XKR6: variants seen among roughly 807,000 people sequenced by gnomAD.
The protein encoded by XKR6 is XK-related protein 6.
Under a neutral mutation model 56.7 loss-of-function variants are expected in XKR6, and 22 were observed. The ratio of observed to expected loss-of-function variants is 0.39; its 90% CI spans 0.28 to 0.55. XKR6 has a LOEUF of 0.55. Ranked by LOEUF, XKR6 falls within the 20% of genes least tolerant of loss-of-function variation. XKR6 has a pLI of 0.66. For synonymous variants in XKR6, 524 were observed against 387.8 expected (o/e 1.35, Z -4.13); for missense variants, 852 against 889.0 (o/e 0.96, Z 0.53).
At chr8:11,120,877 A>C (rs1221437072) in intron 1 of XKR6, among the ~76,000 whole-genome samples, 1 of 152,208 alleles carries the variant, frequency 6.6e-6, no homozygotes, top group Non-Finnish European at 1.5e-5. Flanking sequence ...CTCAGAAATA[A>C]TGCCGCATAT....
intron 1 of XKR6, among the ~76,000 whole-genome samples, chr8:11,167,377 C>G (rs753195914): frequency 6.6e-6 from 1 of 152,112 alleles, no homozygotes; most frequent in Non-Finnish European, 1.5e-5. Context: ...ACAAGTAGAA[C>G]GCATTCATAA....
At chr8:11,058,643 C>A (rs1799747499) in intron 1 of XKR6, among the ~76,000 whole-genome samples, 1 of 152,128 alleles carries the variant, frequency 6.6e-6, no homozygotes, top group South Asian at 2.1e-4. Context: ...ACAATGAGAA[C>A]AGATGGACAC....
At chr8:11,144,709 T>C (rs771437245) in intron 1 of XKR6, among the ~76,000 whole-genome samples, 1 of 152,088 alleles carries the variant, frequency 6.6e-6, no homozygotes, top group Non-Finnish European at 1.5e-5. Context: ...CCAAGCTCCT[T>C]CCTTCTTTCC....
intron 1 of XKR6, among the ~76,000 whole-genome samples, chr8:11,095,569 C>G (rs181793034): frequency 2.4e-3 from 370 of 152,298 alleles, no homozygotes; most frequent in African/African-American, 8.7e-3. Flanking sequence ...GAATGACAGC[C>G]TGATTCTCCT....
At chr8:10,903,232 T>C (rs947414909) in intron 2 of XKR6, among the ~76,000 whole-genome samples, 1 of 152,180 alleles carries the variant, frequency 6.6e-6, no homozygotes, top group African/African-American at 2.4e-5. Context: ...CACTTCTGCA[T>C]CTTTTCCCTG....
At position 11,029,484 on chromosome 8, in the gene XKR6, G is replaced by A. The variant is rs115522629; in HGVS notation, c.765-104654C>T. Among the ~76,000 whole-genome samples, 453 of 152,290 alleles carry A rather than the reference G, an allele frequency of 3.0e-3. 1 individual carries two copies. The highest frequency in any genetic ancestry group is 0.01 in the African/African-American group (433 of 41,554). On this transcript the variant is annotated intron_variant, in intron 1 of 2. Transcript: ENST00000416569. ...GATGGGATTTCTGTCCTTATAAACAGAAGTGCATGAACCAATGAAGGACAT... is the reference window on the plus strand; with the variant it reads ...GATGGGATTTCTGTCCTTATAAACAAAAGTGCATGAACCAATGAAGGACAT...
At chr8:11,178,547 AATATATATATAT>A (rs373879147) in intron 1 of XKR6, among the ~76,000 whole-genome samples, 1 of 88,508 alleles carries the variant, frequency 1.1e-5, no homozygotes, top group Admixed American at 1.1e-4. Flanking sequence ...GAGAGGTAAA[AATATATATATAT>A]ATATATATAT....
chr8:11,000,947 G>C (rs1042722343), intron 1 of XKR6, among the ~76,000 whole-genome samples: 1 of 152,120 alleles, frequency 6.6e-6, no homozygotes, highest in Non-Finnish European at 1.5e-5. Context: ...CCTTGGCTCA[G>C]CCTTTGCTTT....
chr8:11,176,536 A>T (rs1167301852), intron 1 of XKR6, among the ~76,000 whole-genome samples: 2 of 152,168 alleles, frequency 1.3e-5, no homozygotes, highest in Non-Finnish European at 2.9e-5. Context: ...TAAAGAAATT[A>T]TGTCAAGCCA....
intron 1 of XKR6, among the ~76,000 whole-genome samples, chr8:10,966,277 T>G (rs1802219572): frequency 6.6e-6 from 1 of 151,968 alleles, no homozygotes; most frequent in Non-Finnish European, 1.5e-5. Context: ...ATGCCGCTGG[T>G]CCATGGACCA....
intron 2 of XKR6, among the ~76,000 whole-genome samples, chr8:10,911,703 T>G (rs1489996785): frequency 1.3e-5 from 2 of 148,250 alleles, no homozygotes; most frequent in Non-Finnish European, 3.0e-5. Context: ...TATATACACA[T>G]GTAGAGAGAG....
At chr8:11,032,750 A>T (rs7838655) in intron 1 of XKR6, among the ~76,000 whole-genome samples, 9,588 of 151,888 alleles carry the variant, frequency 0.063, 361 homozygotes, top group South Asian at 0.11. Flanking sequence ...ATGGTCAAAC[A>T]CCCCTCCAAG....
chr8:11,010,552 A>G (rs1327700240), intron 1 of XKR6, among the ~76,000 whole-genome samples: 1 of 152,226 alleles, frequency 6.6e-6, no homozygotes, highest in African/African-American at 2.4e-5. Context: ...CACACAACTG[A>G]CACTCATCAG....
At chr8:10,911,486 T>G (rs527301680) in intron 2 of XKR6, among the ~76,000 whole-genome samples, 318 of 148,066 alleles carry the variant, frequency 2.1e-3, no homozygotes, top group South Asian at 0.014. Context: ...TATATATATA[T>G]ATAGAGAGAG....
chr8:11,001,644 G>A (rs1166273814), intron 1 of XKR6, among the ~76,000 whole-genome samples: 2 of 152,228 alleles, frequency 1.3e-5, no homozygotes, highest in Non-Finnish European at 2.9e-5. Context: ...TCCTGGAGAT[G>A]AGGGTTGTAG....
intron 2 of XKR6, among the ~76,000 whole-genome samples, chr8:10,903,033 G>A (rs531380244): frequency 9.2e-5 from 14 of 152,158 alleles, no homozygotes; most frequent in Admixed American, 3.9e-4. Context: ...TCAGGACCCC[G>A]TTTGGGAACA....
At chr8:11,022,620 C>T (rs1242922652) in intron 1 of XKR6, among the ~76,000 whole-genome samples, 1 of 152,182 alleles carries the variant, frequency 6.6e-6, no homozygotes, top group Non-Finnish European at 1.5e-5. Flanking sequence ...CCTCCAGTGT[C>T]ATCTTTTTCC....
chr8:11,137,848 G>A, intron 1 of XKR6: 1 of 361,498 alleles, frequency 2.8e-6, no homozygotes. Flanking sequence ...AGGCAAATGA[G>A]GAAATAATGG....
rs1586577295 is a variant in XKR6 at position 11,123,194 on chromosome 8, G to A, written c.764+77382C>T. Among the ~76,000 whole-genome samples, 6 of 147,636 alleles carry A rather than the reference G, an allele frequency of 4.1e-5. 1 individual carries two copies. In the East Asian group the frequency reaches 1.2e-3, roughly 29 times the overall value. ...GGAGGTCGCAGTGAGCCGAGATTGT[G>A]CCACTGCACTCCAGCCTGGGTGGCA... is the stretch of plus-strand genomic sequence containing the variant. On this transcript the variant is annotated intron_variant, in intron 1 of 2. Coordinates refer to ENST00000416569, the MANE Select transcript of XKR6 (RefSeq NM_173683.4).
Sources: gnomAD v4.1 joint callset for allele counts (sites outside exome capture counted in the v4.1 genomes callset) on GRCh38, gnomAD v4.1.1 for gene constraint, MANE v1.5 for transcripts, NCBI Gene and HGNC (gene_info 2026-07-23, HGNC 2026-07-21) for gene names.